Variants in CEBPA observed in about 807,000 individuals in gnomAD.
CEBPA encodes CCAAT/enhancer-binding protein alpha.
CEBPA carries 2 observed loss-of-function variants against 5.1 expected under a neutral mutation model. The observed-to-expected ratio is 0.39, with a 90% CI of 0.16 to 1.23. The LOEUF (loss-of-function observed/expected upper bound fraction) is 1.23. Among genes scored for constraint, CEBPA ranks in the 50% most tolerant of loss-of-function variants. The pLI is 0.34. For missense variants in CEBPA, 455 were observed against 537.4 expected (o/e 0.85, Z 1.52); for synonymous variants, 275 against 264.1 (o/e 1.04, Z -0.40).
At position 33,302,085 on chromosome 19, in the gene CEBPA, G is replaced by T. The variant is rs1207839159; in HGVS notation, c.330C>A (p.Gly110=). 5.4e-6 allele frequency: 7 copies of T among 1,284,888 alleles called. No individual in the cohort carries two copies. Among genetic ancestry groups the T allele is most frequent in the Non-Finnish European group, 6.9e-6 (7 of 1,010,248 alleles). The allele number at this position is 1,284,888 out of a possible 1,614,324, so 79.6% of individuals were successfully genotyped here. ...GGGGGDFDYP[G]APAGPGGAVM... ...CGGCGCCGCCGGGGCCCGCGGGCGC[G>T]CCCGGGTAGTCAAAGTCGCCGCCGC... The change falls in exon 1 of 1, where the codon GGC becomes GGA. Residue 110 remains glycine, a synonymous_variant. Transcript: ENST00000498907.
rs571969199 is a variant in CEBPA at position 33,301,659 on chromosome 19, C to A, written c.756G>T (p.Ala252=). Reference sequence around the variant, plus strand: ...GGTGCGCGGCGCCCAGCCCCTTGAGCGCGCTGCCAGGGCCCGGCAGGCCGG... The same window carrying A: ...GGTGCGCGGCGCCCAGCCCCTTGAGAGCGCTGCCAGGGCCCGGCAGGCCGG... The part of the protein sequence containing the change: ...GAAGLPGPGS[A]LKGLGAAHPD... The change falls in exon 1 of 1, where the codon GCG becomes GCT. Residue 252 remains alanine (A), a synonymous_variant. Coordinates refer to ENST00000498907, the MANE Select transcript of CEBPA (RefSeq NM_004364.5). This position sits in a 1 kb window ranked among gnomAD's most constrained non-coding sequence, Gnocchi z 6.0. 2,172 of 1,488,680 alleles carry A rather than the reference C, an allele frequency of 1.5e-3. 26 individuals are homozygous for A. In the African/African-American group the frequency reaches 0.027, roughly 18 times the overall value. The allele number at this position is 1,488,680 out of a possible 1,614,324, so 92.2% of individuals were successfully genotyped here. A position where few individuals can be genotyped will look rare whatever the true frequency, so the allele number is the denominator to read the frequency against.
chr19:33,301,207 C>A lies in CEBPA; in HGVS notation c.*131G>T. 20 of 1,406,766 alleles carry A rather than the reference C, an allele frequency of 1.4e-5. No homozygotes were observed. The highest frequency in any genetic ancestry group is 2.5e-5 in the East Asian group (1 of 39,976). 87.1% of individuals were successfully genotyped at this position (1,406,766 alleles called of 1,614,324 possible). ...GAGGGGACACGCGGAGCAGGCCAGG[C>A]TTTCAGGAGGCACCGGAATCTCCTA... On this transcript the variant is annotated 3_prime_UTR_variant, in exon 1 of 1. Transcript: ENST00000498907. This position sits in a 1 kb window ranked among gnomAD's most constrained non-coding sequence, Gnocchi z 6.0.
chr19:33,302,453 G>A lies in CEBPA; in HGVS notation c.-39C>T. The stretch of plus-strand genomic sequence containing the variant: ...TTCTCCCGGCATGGCGAGCCTCGGC[G>A]GCCTCCAGCCTGCGCGGGGCGTCGC... On this transcript the variant is annotated 5_prime_UTR_variant, in exon 1 of 1. Coordinates refer to ENST00000498907, the MANE Select transcript of CEBPA (RefSeq NM_004364.5). 8.1e-7 allele frequency: 1 copy of A among 1,233,364 alleles called. No homozygotes were observed. The highest frequency in any genetic ancestry group is 1.0e-6 in the Non-Finnish European group (1 of 982,270). The allele number at this position is 1,233,364 out of a possible 1,614,324, so 76.4% of individuals were successfully genotyped here.
chr19:33,301,866 C>A lies in CEBPA; in HGVS notation c.549G>T (p.Pro183=). 1.6e-6 allele frequency: 2 copies of A among 1,263,250 alleles called. No individual in the cohort carries two copies. Among genetic ancestry groups the A allele is most frequent in the Non-Finnish European group, 1.0e-6 (1 of 995,602 alleles). The allele number at this position is 1,263,250 out of a possible 1,614,324, so 78.3% of individuals were successfully genotyped here. ...GGTGCGAGGGCGGCGGCGGCGGCGG[C>A]GGCTGGTAAGGGAAGAGGCCGGCCA... ...LALAGLFPYQ[P]PPPPPPSHPH... is the part of the protein sequence containing the mutation. Residue 183 remains proline (P), a synonymous_variant, in exon 1 of 1, where the codon CCG becomes CCT. Transcript: ENST00000498907. The surrounding 1 kb of genome is among the most constrained non-coding windows in gnomAD (Gnocchi z 6.0).
At position 33,300,508 on chromosome 19, in the gene CEBPA, G is replaced by A. The variant is rs1600018886; in HGVS notation, c.*830C>T. On this transcript the variant is annotated 3_prime_UTR_variant, in exon 1 of 1. Transcript: ENST00000498907. Reference sequence around the variant, plus strand: ...GAAGGCATACAGTACAAACAAGGCTGAGGGTCCCAGTGGCCCTTCACCCCC... The same window carrying A: ...GAAGGCATACAGTACAAACAAGGCTAAGGGTCCCAGTGGCCCTTCACCCCC... The A allele has an allele frequency of 4.3e-6, 1 of 233,872 alleles. No individual in the cohort carries two copies. The highest frequency in any genetic ancestry group is 6.0e-5 in the East Asian group (1 of 16,706). The allele number at this position is 233,872 out of a possible 1,614,324, so 14.5% of individuals were successfully genotyped here.
In CEBPA at chr19:33,299,953, A is replaced by C. The variant is rs1967112964; in HGVS notation, c.*1385T>G. 1 of 232,626 alleles carries C rather than the reference A, an allele frequency of 4.3e-6. No homozygotes were observed. The highest frequency in any genetic ancestry group is 2.2e-5 in the African/African-American group (1 of 45,276). The allele number at this position is 232,626 out of a possible 1,614,324, so 14.4% of individuals were successfully genotyped here. A position where few individuals can be genotyped will look rare whatever the true frequency, so the allele number is the denominator to read the frequency against. ...CCGACATTGACTTTGATATGTTTATATTATAGATATAATACATAAAACATC... is the reference window on the plus strand; with the variant it reads ...CCGACATTGACTTTGATATGTTTATCTTATAGATATAATACATAAAACATC... On this transcript the variant is annotated 3_prime_UTR_variant, in exon 1 of 1. Transcript: ENST00000498907.
Position 33,302,057 on chromosome 19 carries a change from T to TGAC in CEBPA, c.355_357dup (p.Val119dup), listed in dbSNP as rs2145262720. The TGAC allele has an allele frequency of 8.3e-7, 1 of 1,210,432 alleles. No individual in the cohort carries two copies. Among genetic ancestry groups the TGAC allele is most frequent in the Non-Finnish European group, 1.0e-6 (1 of 971,192 alleles). 75.0% of individuals were successfully genotyped at this position (1,210,432 alleles called of 1,614,324 possible). On this transcript the variant is annotated inframe_insertion, in exon 1 of 1. Transcript: ENST00000498907. ...GGGGGCCCGTGCGCTCCCCCGGGCA[T>TGAC]GACGGCGCCGCCGGGGCCCGCGGGC...
rs2145263314 is a variant in CEBPA at position 33,302,134 on chromosome 19, G to A, written c.281C>T (p.Ala94Val). Residue 94 changes from alanine to valine, a missense_variant, in exon 1 of 1, where the codon GCC becomes GTC. Ala to Val is a moderately conservative substitution (Grantham distance 64). This residue lies in a region of CEBPA where 143 missense variants were observed against 153.9 expected (regional missense o/e 0.93). Transcript: ENST00000498907. ...HSRQQEKAKA[A>V]VGPTGGGGGG... ...GCCGCCGCCGCCCGTGGGGCCCACGGCCGCCTTGGCCTTCTCCTGCTGCCG... is the reference window on the plus strand; with the variant it reads ...GCCGCCGCCGCCCGTGGGGCCCACGACCGCCTTGGCCTTCTCCTGCTGCCG... The A allele has an allele frequency of 1.4e-6, 2 of 1,381,966 alleles. No individual in the cohort carries two copies. The highest frequency in any genetic ancestry group is 3.1e-5 in the East Asian group (1 of 31,942). 85.6% of individuals were successfully genotyped at this position (1,381,966 alleles called of 1,614,324 possible).
In CEBPA at chr19:33,301,893, C is replaced by T. The variant is rs1272249243; in HGVS notation, c.522G>A (p.Ala174=). 6.1e-6 allele frequency: 8 copies of T among 1,320,924 alleles called. No individual in the cohort carries two copies. Among genetic ancestry groups the T allele is most frequent in the Middle Eastern group, 2.9e-4 (1 of 3,482 alleles). 81.8% of individuals were successfully genotyped at this position (1,320,924 alleles called of 1,614,324 possible). The change falls in exon 1 of 1, where the codon GCG becomes GCA. Residue 174 remains alanine (A), a synonymous_variant. Coordinates refer to ENST00000498907, the MANE Select transcript of CEBPA (RefSeq NM_004364.5). The surrounding 1 kb of genome is among the most constrained non-coding windows in gnomAD (Gnocchi z 6.0). ...PREEDEAKQL[A]LAGLFPYQPP... is the part of the protein sequence containing the mutation. ...GCTGGTAAGGGAAGAGGCCGGCCAG[C>T]GCCAGCTGCTTGGCTTCATCCTCCT...
At position 33,301,998 on chromosome 19, in the gene CEBPA, C is replaced by T. The variant is rs1967184884; in HGVS notation, c.417G>A (p.Leu139=). 1 of 1,187,602 alleles carries T rather than the reference C, an allele frequency of 8.4e-7. No individual in the cohort carries two copies. Among genetic ancestry groups the T allele is most frequent in the South Asian group, 3.8e-5 (1 of 26,056 alleles). The allele number at this position is 1,187,602 out of a possible 1,614,324, so 73.6% of individuals were successfully genotyped here. A position where few individuals can be genotyped will look rare whatever the true frequency, so the allele number is the denominator to read the frequency against. Residue 139 remains leucine, a synonymous_variant, in exon 1 of 1, where the codon CTG becomes CTA. Coordinates refer to ENST00000498907, the MANE Select transcript of CEBPA (RefSeq NM_004364.5). The surrounding 1 kb of genome is among the most constrained non-coding windows in gnomAD (Gnocchi z 6.0). The part of the protein sequence containing the change: ...PGYGCAAAGY[L]DGRLEPLYER... ...CGTACAGGGGCTCCAGCCTGCCGTC[C>T]AGGTAGCCGGCGGCCGCGCAGCCGT...
At position 33,301,840 on chromosome 19, in the gene CEBPA, G is replaced by A. The variant is rs1247330890; in HGVS notation, c.575C>T (p.Pro192Leu). 4 of 1,306,932 alleles carry A rather than the reference G, an allele frequency of 3.1e-6. No individual in the cohort carries two copies. The highest frequency in any genetic ancestry group is 3.4e-5 in the Admixed American group (1 of 29,434). 81.0% of individuals were successfully genotyped at this position (1,306,932 alleles called of 1,614,324 possible). Reference protein sequence around the residue: ...QPPPPPPPSHPHPHPPPAHLA... With the variant: ...QPPPPPPPSHLHPHPPPAHLA... Reference sequence around the variant, plus strand: ...GTGCGCGGGCGGCGGGTGCGGGTGCGGGTGCGAGGGCGGCGGCGGCGGCGG... The same window carrying A: ...GTGCGCGGGCGGCGGGTGCGGGTGCAGGTGCGAGGGCGGCGGCGGCGGCGG... The change falls in exon 1 of 1, where the codon CCG becomes CTG. Residue 192 changes from proline to leucine, a missense_variant. Pro to Leu is a moderately conservative substitution (Grantham distance 98). Transcript: ENST00000498907. The surrounding 1 kb of genome is among the most constrained non-coding windows in gnomAD (Gnocchi z 6.0).
rs562038920 is a variant in CEBPA at position 33,300,435 on chromosome 19, G to C, written c.*903C>G. 1.3e-5 allele frequency: 3 copies of C among 233,580 alleles called. No homozygotes were observed. The highest frequency in any genetic ancestry group is 6.6e-5 in the African/African-American group (3 of 45,306). The allele number at this position is 233,580 out of a possible 1,614,324, so 14.5% of individuals were successfully genotyped here. A position where few individuals can be genotyped will look rare whatever the true frequency, so the allele number is the denominator to read the frequency against. On this transcript the variant is annotated 3_prime_UTR_variant, in exon 1 of 1. Coordinates refer to ENST00000498907, the MANE Select transcript of CEBPA (RefSeq NM_004364.5). ...TATTTGGAAAGCTTGTCATAACTCC[G>C]GTCCCTCTGGGATGGACTGATCGTG...
In CEBPA at chr19:33,300,163, C is replaced by G. The variant is rs1461916612; in HGVS notation, c.*1175G>C. The G allele has an allele frequency of 4.3e-6, 1 of 233,224 alleles. No homozygotes were observed. Among genetic ancestry groups the G allele is most frequent in the African/African-American group, 2.2e-5 (1 of 45,312 alleles). The allele number at this position is 233,224 out of a possible 1,614,324, so 14.4% of individuals were successfully genotyped here. Reference sequence around the variant, plus strand: ...GGGGAAAGCTGAGGGCAAAGGAGAACCCCCCTCACCTCATTGGTCCCCCAG... The same window carrying G: ...GGGGAAAGCTGAGGGCAAAGGAGAAGCCCCCTCACCTCATTGGTCCCCCAG... On this transcript the variant is annotated 3_prime_UTR_variant, in exon 1 of 1. Transcript: ENST00000498907.
Position 33,300,072 on chromosome 19 carries a change from C to T in CEBPA, c.*1266G>A, listed in dbSNP as rs1967115781. The T allele has an allele frequency of 4.3e-6, 1 of 233,338 alleles. No homozygotes were observed. Among genetic ancestry groups the T allele is most frequent in the African/African-American group, 2.2e-5 (1 of 45,366 alleles). The allele number at this position is 233,338 out of a possible 1,614,324, so 14.5% of individuals were successfully genotyped here. A position where few individuals can be genotyped will look rare whatever the true frequency, so the allele number is the denominator to read the frequency against. On this transcript the variant is annotated 3_prime_UTR_variant, in exon 1 of 1. Coordinates refer to ENST00000498907, the MANE Select transcript of CEBPA (RefSeq NM_004364.5). ...TGATGCGTTGGCGGGAGGCCACCTC[C>T]CTTCCCGACCAGGAGCCAGGGCCTC... is the stretch of plus-strand genomic sequence containing the variant.
At position 33,301,658 on chromosome 19, in the gene CEBPA, G is replaced by C. The variant is rs1275917470; in HGVS notation, c.757C>G (p.Leu253Val). The C allele has an allele frequency of 6.7e-7, 1 of 1,494,250 alleles. No homozygotes were observed. Among genetic ancestry groups the C allele is most frequent in the Non-Finnish European group, 8.9e-7 (1 of 1,124,738 alleles). The allele number at this position is 1,494,250 out of a possible 1,614,324, so 92.6% of individuals were successfully genotyped here. The change falls in exon 1 of 1, where the codon CTC becomes GTC. Residue 253 changes from leucine to valine, a missense_variant. Physicochemically the swap from Leu to Val is conservative, Grantham distance 32 (BLOSUM62 1). Coordinates refer to ENST00000498907, the MANE Select transcript of CEBPA (RefSeq NM_004364.5). The surrounding 1 kb of genome is among the most constrained non-coding windows in gnomAD (Gnocchi z 6.0). ...GGGTGCGCGGCGCCCAGCCCCTTGA[G>C]CGCGCTGCCAGGGCCCGGCAGGCCG... is the stretch of plus-strand genomic sequence containing the variant. ...AAGLPGPGSA[L>V]KGLGAAHPDL... is the part of the protein sequence containing the mutation.
chr19:33,301,117 T>C lies in CEBPA; in HGVS notation c.*221A>G. On this transcript the variant is annotated 3_prime_UTR_variant, in exon 1 of 1. Transcript: ENST00000498907. The surrounding 1 kb of genome is among the most constrained non-coding windows in gnomAD (Gnocchi z 6.0). Reference sequence around the variant, plus strand: ...CTCAGCCCCAAGAATTCTCCCCTCCTCGCAGGGAGAAGCCACCGCCTGGCC... The same window carrying C: ...CTCAGCCCCAAGAATTCTCCCCTCCCCGCAGGGAGAAGCCACCGCCTGGCC... 1.4e-6 allele frequency: 1 copy of C among 720,254 alleles called. No individual in the cohort carries two copies. Among genetic ancestry groups the C allele is most frequent in the Non-Finnish European group, 2.2e-6 (1 of 449,448 alleles). 44.6% of individuals were successfully genotyped at this position (720,254 alleles called of 1,614,324 possible).
Position 33,302,411 on chromosome 19 carries a change from C to A in CEBPA, c.4G>T (p.Glu2Ter). 7.8e-7 allele frequency: 1 copy of A among 1,284,096 alleles called. No homozygotes were observed. The highest frequency in any genetic ancestry group is 9.9e-7 in the Non-Finnish European group (1 of 1,013,910). 79.5% of individuals were successfully genotyped at this position (1,284,096 alleles called of 1,614,324 possible). The change falls in exon 1 of 1, where the codon GAG becomes TAG. Residue 2 changes from glutamate (E) to a stop codon, truncating the protein, a stop_gained. Transcript: ENST00000498907. LOFTEE classifies it low-confidence loss of function (END_TRUNC). ...TCCGCCTCGTAGAAGTCGGCCGACT[C>A]CATGGGGGAGTTAGAGTTCTCCCGG... The part of the protein sequence containing the change: M[E>*]SADFYEAEPR...
rs1967151118 is a variant in CEBPA, at chr19:33,301,259, CCTCGAGATCCGGCGACCCCAAACCA to C, written c.*54_*78del. 9 of 1,491,626 alleles carry C rather than the reference CCTCGAGATCCGGCGACCCCAAACCA, an allele frequency of 6.0e-6. No individual in the cohort carries two copies. The highest frequency in any genetic ancestry group is 7.1e-6 in the Non-Finnish European group (8 of 1,123,644). The allele number at this position is 1,491,626 out of a possible 1,614,324, so 92.4% of individuals were successfully genotyped here. On this transcript the variant is annotated 3_prime_UTR_variant, in exon 1 of 1. Coordinates refer to ENST00000498907, the MANE Select transcript of CEBPA (RefSeq NM_004364.5). The surrounding 1 kb of genome is among the most constrained non-coding windows in gnomAD (Gnocchi z 6.0). ...TCCTGGCTCGCACGGCTCGGGCAAG[CCTCGAGATCCGGCGACCCCAAACCA>C]CTCCCTGGGTCCCCGCCGGAGGCTG...
At position 33,302,205 on chromosome 19, in the gene CEBPA, C is replaced by T. The variant is rs1432277634; in HGVS notation, c.210G>A (p.Pro70=). The T allele has an allele frequency of 6.0e-6, 9 of 1,496,814 alleles. No individual in the cohort carries two copies. The Admixed American group carries it at 2.0e-4, about 33-fold the overall frequency. 92.7% of individuals were successfully genotyped at this position (1,496,814 alleles called of 1,614,324 possible). ...CCAGGAACTCGTCGTTGAAGGCGGC[C>T]GGGTCGATGTAGGCGCTGATGTCGA... is the stretch of plus-strand genomic sequence containing the variant. ...TSIDISAYID[P]AAFNDEFLAD... The change falls in exon 1 of 1, where the codon CCG becomes CCA. Residue 70 remains proline, a synonymous_variant. Coordinates refer to ENST00000498907, the MANE Select transcript of CEBPA (RefSeq NM_004364.5).
Sources: gnomAD v4.1 joint callset for allele counts on GRCh38, gnomAD v4.1.1 for gene constraint, gnomAD v4.1.1 regional missense constraint, Gnocchi (gnomAD v3.1) non-coding constraint, MANE v1.5 for transcripts, NCBI Gene and HGNC (gene_info 2026-07-23, HGNC 2026-07-21) for gene names.